Variants in LRMDA observed in about 807,000 individuals in gnomAD.
LRMDA encodes leucine rich melanocyte differentiation associated.
A neutral mutation model predicts 29.8 loss-of-function variants in LRMDA; 18 were observed. The observed-to-expected ratio is 0.60, with a 90% confidence interval of 0.42 to 0.90. The LOEUF (loss-of-function observed/expected upper bound fraction) is 0.90. Ranked by LOEUF, LRMDA falls within the 40% of genes least tolerant of loss-of-function variation. The pLI is 0.00. For synonymous variants in LRMDA, 125 were observed against 109.4 expected, an observed-to-expected ratio of 1.14 and a Z score of -0.89; for missense variants, 273 against 273.9, an observed-to-expected ratio of 1.00 and a Z score of 0.02.
intron 6 of LRMDA, among the ~76,000 whole-genome samples, chr10:76,400,965 C>G (rs1270399745): frequency 1.3e-5 from 2 of 152,158 alleles, no homozygotes; most frequent in East Asian, 3.8e-4. Context: ...TGTTGAGCAT[C>G]CCCAGTCTGA....
At chr10:75,851,546 C>G (rs2132311336) in intron 2 of LRMDA, among the ~76,000 whole-genome samples, 1 of 152,330 alleles carries the variant, frequency 6.6e-6, no homozygotes, top group East Asian at 1.9e-4. Context: ...CCAAACTCTT[C>G]TCACTACTTG....
intron 4 of LRMDA, among the ~76,000 whole-genome samples, chr10:76,053,167 C>T (rs1195997416): frequency 6.6e-6 from 1 of 152,158 alleles, no homozygotes; most frequent in Non-Finnish European, 1.5e-5. Flanking sequence ...CCGATAGCCC[C>T]TGTTGACAGT....
At chr10:75,993,294 G>T (rs1309580289) in intron 2 of LRMDA, among the ~76,000 whole-genome samples, 1 of 152,112 alleles carries the variant, frequency 6.6e-6, no homozygotes, top group East Asian at 1.9e-4. Context: ...TCTCATTGCT[G>T]CTGATGATGA....
In LRMDA at chr10:75,667,109, A is replaced by T. The variant is rs527398435; in HGVS notation, c.131+228615A>T. On this transcript the variant is annotated intron_variant, in intron 2 of 6. Transcript: ENST00000611255. ...TTGAAACTGTGTGCTATAATATTGA[A>T]ATACAACTTTCATTAGAAATAAACA... Among the ~76,000 whole-genome samples, 5 of 152,314 alleles carry T rather than the reference A, an allele frequency of 3.3e-5. No homozygotes were observed. The East Asian group carries it at 9.6e-4, about 29-fold the overall frequency.
At chr10:75,545,972 G>A (rs574173092) in intron 2 of LRMDA, among the ~76,000 whole-genome samples, 1 of 152,286 alleles carries the variant, frequency 6.6e-6, no homozygotes, top group Admixed American at 6.5e-5. Context: ...TGTTATGATG[G>A]TTATCCAAAA....
intron 3 of LRMDA, among the ~76,000 whole-genome samples, chr10:76,042,502 A>G (rs567045672): frequency 6.6e-6 from 1 of 152,312 alleles, no homozygotes; most frequent in South Asian, 2.1e-4. Flanking sequence ...AAACCTCTGT[A>G]ATTTGAGGGA....
At chr10:76,085,138 C>T (rs1204153410) in intron 5 of LRMDA, among the ~76,000 whole-genome samples, 1 of 152,048 alleles carries the variant, frequency 6.6e-6, no homozygotes, top group Non-Finnish European at 1.5e-5. Context: ...TCTGTATTTT[C>T]CCCTAAATGG....
intron 2 of LRMDA, among the ~76,000 whole-genome samples, chr10:75,650,870 C>T (rs1429215276): frequency 6.6e-6 from 1 of 152,128 alleles, no homozygotes; most frequent in Non-Finnish European, 1.5e-5. Context: ...GATGAGCCCC[C>T]ATGGTGGGCA....
intron 5 of LRMDA, among the ~76,000 whole-genome samples, chr10:76,245,164 T>C (rs1348574427): frequency 1.3e-5 from 2 of 152,068 alleles, no homozygotes; most frequent in African/African-American, 4.8e-5. Flanking sequence ...GGGAAGAAAA[T>C]TTTAAAAAAT....
chr10:75,564,922 A>G (rs1564802138), intron 2 of LRMDA, among the ~76,000 whole-genome samples: 1 of 152,230 alleles, frequency 6.6e-6, no homozygotes, highest in Non-Finnish European at 1.5e-5. Flanking sequence ...CATAAATGTC[A>G]GGAAAAATTA....
intron 2 of LRMDA, chr10:75,782,806 T>C (rs1172562820): frequency 2.0e-5 from 28 of 1,435,814 alleles, no homozygotes; most frequent in Non-Finnish European, 5.5e-6. Flanking sequence ...CTTTCACTTG[T>C]TGAGAACCTT....
intron 2 of LRMDA, among the ~76,000 whole-genome samples, chr10:75,630,206 C>A (rs1196233088): frequency 6.6e-6 from 1 of 152,214 alleles, no homozygotes; most frequent in East Asian, 1.9e-4. Context: ...GTGGGCCACT[C>A]TGTGGCTCTC....
chr10:76,177,740 C>T (rs887077744), intron 5 of LRMDA, among the ~76,000 whole-genome samples: 19 of 152,164 alleles, frequency 1.2e-4, no homozygotes, highest in Non-Finnish European at 1.5e-5. Flanking sequence ...GTAAGAAGGC[C>T]TACATCAATG....
chr10:75,583,623 A>C (rs138793557), intron 2 of LRMDA, among the ~76,000 whole-genome samples: 2 of 152,246 alleles, frequency 1.3e-5, no homozygotes, highest in East Asian at 3.9e-4. Flanking sequence ...AGTGGTGACA[A>C]ATATCCAAAC....
rs546339465 is a variant in LRMDA, at chr10:75,875,712, G to A, written c.132-160296G>A. ...CTTCCAAAGTGCTGGGATTACAGGC[G>A]TGAGCCACGGTGCCCAGCCAGCCAT... On this transcript the variant is annotated intron_variant, in intron 2 of 6. Transcript: ENST00000611255. Among the ~76,000 whole-genome samples, 17 of 152,350 alleles carry A rather than the reference G, an allele frequency of 1.1e-4. No individual in the cohort carries two copies. The South Asian group carries it at 2.5e-3, about 22-fold the overall frequency.
chr10:75,835,193 G>A (rs537188613), intron 2 of LRMDA, among the ~76,000 whole-genome samples: 5 of 152,326 alleles, frequency 3.3e-5, no homozygotes, highest in Admixed American at 3.3e-4. Context: ...GTGATGGGAA[G>A]GCTGTTTCTT....
Position 76,357,343 on chromosome 10 carries a change from C to T in LRMDA, c.601+32858C>T, listed in dbSNP as rs1387841795. Among the ~76,000 whole-genome samples, 5 of 152,162 alleles carry T rather than the reference C, an allele frequency of 3.3e-5. No individual in the cohort carries two copies. The East Asian group carries it at 9.6e-4, about 29-fold the overall frequency. On this transcript the variant is annotated intron_variant, in intron 6 of 6. Transcript: ENST00000611255. ...TGGGTTTAAAGATGAGAAAGTATTACAGGGTTTCCATAAACCACGGAGTTC... is the reference window on the plus strand; with the variant it reads ...TGGGTTTAAAGATGAGAAAGTATTATAGGGTTTCCATAAACCACGGAGTTC...
chr10:75,497,307 G>C (rs1845057446), intron 2 of LRMDA, among the ~76,000 whole-genome samples: 1 of 152,026 alleles, frequency 6.6e-6, no homozygotes, highest in Non-Finnish European at 1.5e-5. Flanking sequence ...CCACTATTGA[G>C]ATTCTTCCAT....
intron 5 of LRMDA, among the ~76,000 whole-genome samples, chr10:76,213,019 C>T (rs1209763549): frequency 6.6e-6 from 1 of 152,212 alleles, no homozygotes; most frequent in Non-Finnish European, 1.5e-5. Context: ...GAAGATGGAT[C>T]ACCATTTTGT....
Sources: allele counts gnomAD v4.1 joint callset (sites outside exome capture counted in the v4.1 genomes callset), GRCh38; gene constraint gnomAD v4.1.1; transcripts MANE v1.5; gene names NCBI Gene and HGNC (gene_info 2026-07-23, HGNC 2026-07-21).